DPP8: variants seen among roughly 807,000 people sequenced by gnomAD.
The protein encoded by DPP8 is dipeptidyl peptidase 8.
Under a neutral mutation model 107.5 loss-of-function variants are expected in DPP8, and 31 were observed. The observed-to-expected ratio is 0.29, with a 90% confidence interval of 0.22 to 0.39. The LOEUF (loss-of-function observed/expected upper bound fraction) is 0.39. Among genes scored for constraint, DPP8 ranks in the 10% least tolerant of loss-of-function variants. The pLI is 1.00. For synonymous variants in DPP8, 381 were observed against 356.6 expected (o/e 1.07, Z -0.77); for missense variants, 842 against 1,076.1 (o/e 0.78, Z 3.04).
intron 7 of DPP8, among the ~76,000 whole-genome samples, chr15:65,486,088 T>A (rs1194439210): frequency 1.7e-5 from 2 of 115,518 alleles, no homozygotes; most frequent in African/African-American, 6.7e-5. Flanking sequence ...AGCGAGACTC[T>A]GTCTCAAAAA....
At chr15:65,471,439 C>T (rs897655114) in intron 12 of DPP8, among the ~76,000 whole-genome samples, 1 of 151,662 alleles carries the variant, frequency 6.6e-6, no homozygotes, top group Non-Finnish European at 1.5e-5. Flanking sequence ...CTCAACCTCC[C>T]GGGCTAAAGC....
chr15:65,489,959 T>C (rs1596031879), intron 6 of DPP8, among the ~76,000 whole-genome samples: 1 of 152,164 alleles, frequency 6.6e-6, no homozygotes, highest in Admixed American at 6.6e-5. Context: ...CCTCGGGTGA[T>C]CCGCCTGCCT....
chr15:65,468,731 G>A (rs965254852), intron 12 of DPP8, among the ~76,000 whole-genome samples: 1 of 152,100 alleles, frequency 6.6e-6, no homozygotes, highest in Non-Finnish European at 1.5e-5. Flanking sequence ...TTACAAGTAC[G>A]TGTTAATCTT....
At chr15:65,492,970 C>T (rs937559086) in intron 5 of DPP8, among the ~76,000 whole-genome samples, 2 of 152,148 alleles carry the variant, frequency 1.3e-5, no homozygotes, top group Non-Finnish European at 2.9e-5. Context: ...ACATAATGTA[C>T]AGTGCAAACC....
At chr15:65,448,872 A>ATATGTGTGTG (rs1555444638) in intron 19 of DPP8, among the ~76,000 whole-genome samples, 13 of 8,344 alleles carry the variant, frequency 1.6e-3, no homozygotes, top group South Asian at 0.011. Context: ...TAAAATATAT[A>ATATGTGTGTG]TATATATATA....
chr15:65,503,218 C>T (rs1241503071), intron 3 of DPP8, among the ~76,000 whole-genome samples: 1 of 152,118 alleles, frequency 6.6e-6, no homozygotes, highest in Non-Finnish European at 1.5e-5. Context: ...AGAGATTCTC[C>T]TGTCTCAGCC....
chr15:65,457,942 G>A (rs894534611), intron 15 of DPP8, among the ~76,000 whole-genome samples: 5 of 152,066 alleles, frequency 3.3e-5, no homozygotes, highest in Non-Finnish European at 1.5e-5. Flanking sequence ...ACATGTGTGT[G>A]CCACAGCACC....
At chr15:65,450,115 G>A (rs927379307) in intron 19 of DPP8, among the ~76,000 whole-genome samples, 25 of 99,148 alleles carry the variant, frequency 2.5e-4, no homozygotes, top group African/African-American at 8.7e-4. Context: ...TTACAGGCAT[G>A]AGCCACCATG....
intron 1 of DPP8, among the ~76,000 whole-genome samples, chr15:65,515,024 T>C (rs1016018665): frequency 6.6e-6 from 1 of 152,134 alleles, no homozygotes; most frequent in African/African-American, 2.4e-5. Context: ...TTTAGACAAG[T>C]CTCACTGTTG....
chr15:65,507,534 C>G (rs1950323666), intron 2 of DPP8, among the ~76,000 whole-genome samples, 179 bp from the exon 3 acceptor site: 1 of 151,648 alleles, frequency 6.6e-6, no homozygotes, highest in African/African-American at 2.4e-5. Flanking sequence ...TTCAATAAAA[C>G]CAAGGCTAGC....
intron 12 of DPP8, among the ~76,000 whole-genome samples, chr15:65,470,807 T>G (rs1443525178): frequency 1.3e-5 from 2 of 151,380 alleles, no homozygotes; most frequent in Non-Finnish European, 2.9e-5. Context: ...TAATCCCAGC[T>G]ACTTGGGAGG....
Position 65,478,861 on chromosome 15 carries a change from A to G in DPP8, c.1456+19T>C. The G allele has an allele frequency of 1.3e-6, 2 of 1,543,552 alleles. No individual in the cohort carries two copies. Among genetic ancestry groups the G allele is most frequent in the Non-Finnish European group, 1.7e-6 (2 of 1,148,806 alleles). ...CTTCCAACATTTTTTCTTTTTTTAAAATAAAATGGATTTCTTACTTGGAGC... is the reference window on the plus strand; with the variant it reads ...CTTCCAACATTTTTTCTTTTTTTAAGATAAAATGGATTTCTTACTTGGAGC... On this transcript the variant is annotated intron_variant, in intron 11 of 19. Coordinates refer to ENST00000300141, the MANE Select transcript of DPP8 (RefSeq NM_130434.5).
chr15:65,454,136 CAAA>C (rs370866269), intron 17 of DPP8, 124 bp downstream of exon 17: 3,730 of 347,808 alleles, frequency 0.011, no homozygotes, highest in South Asian at 0.015. Flanking sequence ...GACTTCGTCT[CAAA>C]AAAAAAAAAA....
At chr15:65,466,420 G>A (rs954598097) in intron 14 of DPP8, among the ~76,000 whole-genome samples, 1 of 152,158 alleles carries the variant, frequency 6.6e-6, no homozygotes, top group Non-Finnish European at 1.5e-5. Context: ...TTACAGGTGT[G>A]AGCCACTGCA....
chr15:65,466,548 C>T, intron 14 of DPP8, 130 bp downstream of exon 14: 1 of 793,032 alleles, frequency 1.3e-6, no homozygotes, highest in South Asian at 1.7e-5. Context: ...ATCAGGAGCT[C>T]AGCAGCTCAG....
chr15:65,491,689 G>A (rs2068046741), intron 5 of DPP8, among the ~76,000 whole-genome samples: 1 of 152,178 alleles, frequency 6.6e-6, no homozygotes, highest in Admixed American at 6.5e-5. Context: ...TCTGTTAATG[G>A]ATATCTTGTC....
intron 10 of DPP8, among the ~76,000 whole-genome samples, chr15:65,479,959 C>G (rs867398767): frequency 5.3e-5 from 8 of 151,310 alleles, no homozygotes; most frequent in East Asian, 1.9e-4. Flanking sequence ...CTCAGGAGCA[C>G]TGATGAGGCT....
In DPP8 at chr15:65,446,953, A is replaced by G; in HGVS notation, c.2580T>C (p.Tyr860=). ...SIRVPESGEH[Y]ELHLLHYLQE... is the part of the protein sequence containing the mutation. ...GAAGGTAGTGCAAAAGATGCAGTTC[A>G]TAATGTTCTCCCGATTCAGGAACTC... The change falls in exon 20 of 20, where the codon TAT becomes TAC. Residue 860 remains tyrosine (Y), a synonymous_variant. Transcript: ENST00000300141. 6.2e-7 allele frequency: 1 copy of G among 1,612,736 alleles called. No homozygotes were observed. The highest frequency in any genetic ancestry group is 8.5e-7 in the Non-Finnish European group (1 of 1,179,068).
rs908061013 is a variant in DPP8, at chr15:65,512,064, T to C, written c.259+231A>G. 4 of 660,710 alleles carry C rather than the reference T, an allele frequency of 6.1e-6. No individual in the cohort carries two copies. The Admixed American group carries it at 6.2e-5, about 10-fold the overall frequency. 40.9% of individuals were successfully genotyped at this position (660,710 alleles called of 1,614,324 possible). A position where few individuals can be genotyped will look rare whatever the true frequency, so the allele number is the denominator to read the frequency against. On this transcript the variant is annotated intron_variant, in intron 2 of 19. Transcript: ENST00000300141. ...CTTTAGGAAGAAGCAATTTCTGGCATCTTCGATTTTGAAAAACGATCATGA... is the reference window on the plus strand; with the variant it reads ...CTTTAGGAAGAAGCAATTTCTGGCACCTTCGATTTTGAAAAACGATCATGA...
Sources: allele counts gnomAD v4.1 joint callset (sites outside exome capture counted in the v4.1 genomes callset), GRCh38; gene constraint gnomAD v4.1.1; transcripts MANE v1.5; gene names NCBI Gene and HGNC (gene_info 2026-07-23, HGNC 2026-07-21).